Variants in RAB11A observed in about 807,000 individuals in gnomAD.
The protein encoded by RAB11A is RAB11A, member RAS oncogene family, also known as ras-related protein Rab-11A.
Under a neutral mutation model 28.0 loss-of-function variants are expected in RAB11A, and 9 were observed. The ratio of observed to expected loss-of-function variants is 0.32; its 90% CI spans 0.19 to 0.56. The LOEUF (loss-of-function observed/expected upper bound fraction) is 0.56, where lower values mean the gene tolerates loss of function less well. Among genes scored for constraint, RAB11A ranks in the 20% least tolerant of loss-of-function variants. The probability of loss-of-function intolerance (pLI) is 0.91; values close to 1 mark genes in which losing one functional copy is unlikely to be tolerated. For synonymous variants in RAB11A, 85 were observed against 88.2 expected, an observed-to-expected ratio of 0.96 and a Z score of 0.20; for missense variants, 108 against 269.6, an observed-to-expected ratio of 0.40 and a Z score of 4.20.
chr15:65,891,175 G>A lies in RAB11A; in HGVS notation c.*3335G>A, dbSNP rs2078293060. The A allele has an allele frequency of 6.6e-6, 1 of 152,182 alleles. No homozygotes were observed. Among genetic ancestry groups the A allele is most frequent in the South Asian group, 2.1e-4 (1 of 4,836 alleles). 9.4% of individuals were successfully genotyped at this position (152,182 alleles called of 1,614,324 possible). On this transcript the variant is annotated 3_prime_UTR_variant, in exon 5 of 5. Transcript: ENST00000261890. ...CCTATACAATATGCCAAATCAACTG[G>A]AGTTGTCATTCTAATGTTTTAAAGA...
intron 4 of RAB11A, among the ~76,000 whole-genome samples, chr15:65,882,941 C>T (rs2078231801): frequency 1.3e-5 from 2 of 152,166 alleles, no homozygotes; most frequent in South Asian, 4.1e-4. Flanking sequence ...CACCCATATT[C>T]CTCAGATGTT....
chr15:65,886,860 C>T (rs996572765), intron 4 of RAB11A, among the ~76,000 whole-genome samples: 1 of 152,160 alleles, frequency 6.6e-6, no homozygotes, highest in Non-Finnish European at 1.5e-5. Context: ...ATAGAGTTTA[C>T]ATATAACATC....
chr15:65,878,813 A>T (rs1370232986), intron 3 of RAB11A, among the ~76,000 whole-genome samples: 2 of 152,242 alleles, frequency 1.3e-5, no homozygotes, highest in Non-Finnish European at 1.5e-5. Flanking sequence ...TAATATGGCT[A>T]CAACATACGG....
chr15:65,873,336 A>G lies in RAB11A; in HGVS notation c.40+3711A>G, dbSNP rs960500468. Among the ~76,000 whole-genome samples the G allele has an allele frequency of 4.6e-5, 7 of 152,320 alleles. No individual in the cohort carries two copies. The South Asian group carries it at 1.2e-3, about 27-fold the overall frequency. ...CTGAAAATATCTGGATACATAGTCT[A>G]TTGCTTAAGACATTTTCTTTTCAAT... On this transcript the variant is annotated intron_variant, in intron 1 of 4. Transcript: ENST00000261890.
chr15:65,872,743 CT>C (rs1198651382), intron 1 of RAB11A, among the ~76,000 whole-genome samples: 1 of 152,114 alleles, frequency 6.6e-6, no homozygotes, highest in African/African-American at 2.4e-5. Flanking sequence ...CAGATTTCTA[CT>C]TTTTTAAAGC....
In RAB11A at chr15:65,877,996, C is replaced by T. The variant is rs761952535; in HGVS notation, c.430+41C>T. ...TCCATGATATTTCTTACCATTGTGT[C>T]TTGTGGTTTTGATACCTTCCAATGA... On this transcript the variant is annotated intron_variant, in intron 3 of 4. Transcript: ENST00000261890. The surrounding 1 kb of genome is among the most constrained non-coding windows in gnomAD (Gnocchi z 4.1). The T allele has an allele frequency of 1.9e-6, 3 of 1,557,038 alleles. No individual in the cohort carries two copies. Among genetic ancestry groups the T allele is most frequent in the Non-Finnish European group, 2.7e-6 (3 of 1,128,536 alleles).
Position 65,888,630 on chromosome 15 carries a change from C to A in RAB11A, c.*790C>A, listed in dbSNP as rs1404870775. ...AGATTTAAATGATCTATAATAATTT[C>A]CAAGCGGTAGATTATGTGGCATTTT... On this transcript the variant is annotated 3_prime_UTR_variant, in exon 5 of 5. Transcript: ENST00000261890. 6.6e-6 allele frequency: 1 copy of A among 152,302 alleles called. No homozygotes were observed. Among genetic ancestry groups the A allele is most frequent in the African/African-American group, 2.4e-5 (1 of 41,322 alleles). 9.4% of individuals were successfully genotyped at this position (152,302 alleles called of 1,614,324 possible). A position where few individuals can be genotyped will look rare whatever the true frequency, so the allele number is the denominator to read the frequency against.
chr15:65,873,948 G>A lies in RAB11A; in HGVS notation c.41-3384G>A, dbSNP rs559232427. The stretch of plus-strand genomic sequence containing the variant: ...GGTTGGACTATGAATATAGTTGAAA[G>A]AATAGAAATGTCTCCAAATTTATGA... On this transcript the variant is annotated intron_variant, in intron 1 of 4. Transcript: ENST00000261890. Among the ~76,000 whole-genome samples the A allele has an allele frequency of 7.9e-5, 12 of 152,168 alleles. No homozygotes were observed. In the South Asian group the frequency reaches 2.5e-3, roughly 32 times the overall value.
intron 4 of RAB11A, among the ~76,000 whole-genome samples, chr15:65,883,396 A>G (rs1338234827): frequency 1.3e-5 from 2 of 152,096 alleles, no homozygotes; most frequent in Non-Finnish European, 2.9e-5. Flanking sequence ...TTCTTTCCTC[A>G]TGATTAAACT....
chr15:65,883,744 G>C (rs970385012), intron 4 of RAB11A, among the ~76,000 whole-genome samples: 1 of 152,024 alleles, frequency 6.6e-6, no homozygotes, highest in East Asian at 1.9e-4. Flanking sequence ...GTAGAGACCG[G>C]TTTTACCATG....
In RAB11A at chr15:65,888,121, G is replaced by A. The variant is rs1192550114; in HGVS notation, c.*281G>A. 3.4e-6 allele frequency: 1 copy of A among 297,810 alleles called. No homozygotes were observed. The highest frequency in any genetic ancestry group is 2.2e-5 in the African/African-American group (1 of 45,352). 18.4% of individuals were successfully genotyped at this position (297,810 alleles called of 1,614,324 possible). A position where few individuals can be genotyped will look rare whatever the true frequency, so the allele number is the denominator to read the frequency against. ...CTTTTCATCATGGAAGCCTGTCACT[G>A]TATGTAGGACATAATAGAACTTGAT... On this transcript the variant is annotated 3_prime_UTR_variant, in exon 5 of 5. Transcript: ENST00000261890.
chr15:65,887,846 T>G lies in RAB11A; in HGVS notation c.*6T>G, dbSNP rs1392179321. On this transcript the variant is annotated 3_prime_UTR_variant, in exon 5 of 5. Transcript: ENST00000261890. ...AGTGCTGTCAGAACATCTAAGGCAT[T>G]TCTCTTCTCCCCTAGAAGGCTGTGT... 1 of 1,602,352 alleles carries G rather than the reference T, an allele frequency of 6.2e-7. No individual in the cohort carries two copies. Among genetic ancestry groups the G allele is most frequent in the East Asian group, 2.3e-5 (1 of 44,144 alleles).
intron 3 of RAB11A, among the ~76,000 whole-genome samples, chr15:65,878,409 C>T (rs1000905158): frequency 4.6e-5 from 7 of 152,128 alleles, no homozygotes; most frequent in African/African-American, 9.7e-5. Flanking sequence ...TGCGGCCGGG[C>T]GTGGTGGCTC....
intron 4 of RAB11A, among the ~76,000 whole-genome samples, chr15:65,884,197 T>C (rs920086069): frequency 4.0e-5 from 6 of 151,538 alleles, no homozygotes; most frequent in African/African-American, 1.5e-4. Flanking sequence ...TTTGTTTCAA[T>C]GAAAAAGGAT....
intron 1 of RAB11A, chr15:65,869,995 C>A (rs1029482481): frequency 1.0e-5 from 2 of 194,414 alleles, no homozygotes; most frequent in Non-Finnish European, 1.0e-5. Flanking sequence ...TCGGCGTACA[C>A]CCTTCCCAGC....
chr15:65,870,286 C>A (rs1210306006), intron 1 of RAB11A, among the ~76,000 whole-genome samples: 5 of 152,216 alleles, frequency 3.3e-5, no homozygotes, highest in Non-Finnish European at 7.3e-5. Flanking sequence ...GCTCCCTCTC[C>A]CACTCCCCAT....
At chr15:65,876,254 A>C (rs192975851) in intron 1 of RAB11A, among the ~76,000 whole-genome samples, 2 of 152,264 alleles carry the variant, frequency 1.3e-5, no homozygotes, top group East Asian at 3.9e-4. Context: ...AAAATCATGG[A>C]GTCATAAGTG....
At chr15:65,879,150 G>A (rs967345573) in intron 3 of RAB11A, among the ~76,000 whole-genome samples, 3 of 151,890 alleles carry the variant, frequency 2.0e-5, no homozygotes, top group Non-Finnish European at 2.9e-5. Context: ...GTGTCACCAC[G>A]CTCAGCTAAT....
At chr15:65,885,804 A>T (rs2078252766) in intron 4 of RAB11A, among the ~76,000 whole-genome samples, 1 of 152,268 alleles carries the variant, frequency 6.6e-6, no homozygotes, top group Admixed American at 6.5e-5. Context: ...TGTACACTGT[A>T]CACTGGTTTT....
Sources: gnomAD v4.1 joint callset for allele counts (sites outside exome capture counted in the v4.1 genomes callset) on GRCh38, gnomAD v4.1.1 for gene constraint, Gnocchi (gnomAD v3.1) non-coding constraint, MANE v1.5 for transcripts, NCBI Gene and HGNC (gene_info 2026-07-23, HGNC 2026-07-21) for gene names.